The following STX7 variants were observed in gnomAD, a reference collection of about 807,000 sequenced individuals.
The protein encoded by STX7 is syntaxin 7.
In STX7, 34 loss-of-function variants were observed where a neutral mutation model predicts 39.6. That is an observed-to-expected ratio of 0.86 (90% CI 0.65 to 1.14). The LOEUF is 1.14. Ranked by LOEUF, STX7 falls within the 50% of genes most tolerant of loss-of-function variation. The pLI is 0.00. For missense variants in STX7, 284 were observed against 310.4 expected, an observed-to-expected ratio of 0.92 and a Z score of 0.64; for synonymous variants, 119 against 99.1, an observed-to-expected ratio of 1.20 and a Z score of -1.19.
intron 7 of STX7, 94 bp downstream of exon 7, chr6:132,469,855 TTC>T: frequency 9.8e-7 from 1 of 1,024,850 alleles, no homozygotes; most frequent in Non-Finnish European, 1.4e-6. Flanking sequence ...AACAAAATTT[TTC>T]TGTCTCATGC....
At chr6:132,495,461 T>C (rs1026638769) in intron 2 of STX7, among the ~76,000 whole-genome samples, 4 of 152,166 alleles carry the variant, frequency 2.6e-5, no homozygotes, top group South Asian at 2.1e-4. Context: ...AACAGCATTT[T>C]AGGAGGAGGG....
At chr6:132,489,625 A>G (rs142404323) in intron 2 of STX7, among the ~76,000 whole-genome samples, 50 of 152,304 alleles carry the variant, frequency 3.3e-4, no homozygotes, top group African/African-American at 1.2e-3. Context: ...AGGGAGATGG[A>G]GAAGGATCTT....
Position 132,509,487 on chromosome 6 carries a change from CA to C in STX7, c.-59+3519del, listed in dbSNP as rs1562343646. ...CATAACATAACATAACATAACATAA[CA>C]TAACATAACATAACATAACATAACA... On this transcript the variant is annotated intron_variant, in intron 1 of 9. Transcript: ENST00000367941. Among the ~76,000 whole-genome samples, 28 of 129,940 alleles carry C rather than the reference CA, an allele frequency of 2.2e-4. 3 individuals carry two copies. Among genetic ancestry groups the C allele is most frequent in the Middle Eastern group, 3.4e-3 (1 of 298 alleles). The allele number at this position is 129,940 out of a possible 152,430, so 85.2% of individuals were successfully genotyped here.
At chr6:132,471,677 T>C (rs1774727360) in intron 4 of STX7, 77 bp from the exon 5 acceptor site, 6 of 1,557,932 alleles carry the variant, frequency 3.9e-6, no homozygotes, top group South Asian at 1.2e-5. Flanking sequence ...TGGCTCTTTA[T>C]TTAACCCTGA....
In STX7 at chr6:132,488,820, T is replaced by C. The variant is rs561547716; in HGVS notation, c.86-13158A>G. ...AGGACTAGAAAAAAAATCTAAATAT[T>C]GAAAGAAACAAACTCTGTTTTAGAC... On this transcript the variant is annotated intron_variant, in intron 2 of 9. Coordinates refer to ENST00000367941, the MANE Select transcript of STX7 (RefSeq NM_003569.3). 2.0e-5 allele frequency among the ~76,000 whole-genome samples: 3 copies of C among 152,160 alleles called. No individual in the cohort carries two copies. The East Asian group carries it at 5.8e-4, about 29-fold the overall frequency.
intron 2 of STX7, among the ~76,000 whole-genome samples, chr6:132,493,683 G>A (rs150734014): frequency 6.6e-6 from 1 of 152,272 alleles, no homozygotes; most frequent in Non-Finnish European, 1.5e-5. Context: ...TTAGCAATGT[G>A]AGAATGGACT....
rs1774270342 is a variant in STX7 at position 132,457,495 on chromosome 6, A to C, written c.*3263T>G. 2 of 152,196 alleles carry C rather than the reference A, an allele frequency of 1.3e-5. No homozygotes were observed. The highest frequency in any genetic ancestry group is 4.8e-5 in the African/African-American group (2 of 41,460). The allele number at this position is 152,196 out of a possible 1,614,324, so 9.4% of individuals were successfully genotyped here. On this transcript the variant is annotated 3_prime_UTR_variant, in exon 10 of 10. Coordinates refer to ENST00000367941, the MANE Select transcript of STX7 (RefSeq NM_003569.3). Reference sequence around the variant, plus strand: ...TATAAATTATGTTAGGGTAGTTGTTAAACAGAATTTTGTCAAAGAAGCAGT... The same window carrying C: ...TATAAATTATGTTAGGGTAGTTGTTCAACAGAATTTTGTCAAAGAAGCAGT...
At chr6:132,485,791 C>CTTCTTTA (rs1775119349) in intron 2 of STX7, among the ~76,000 whole-genome samples, 1 of 152,126 alleles carries the variant, frequency 6.6e-6, no homozygotes, top group Non-Finnish European at 1.5e-5. Context: ...TATTTGTCAT[C>CTTCTTTA]TGTATATCTT....
chr6:132,490,965 G>GCAGCACAGCACAGCACAGCA (rs71545037), intron 2 of STX7, among the ~76,000 whole-genome samples: 4,424 of 127,508 alleles, frequency 0.035, 178 homozygotes, highest in Middle Eastern at 0.058. Flanking sequence ...GTCCCTCAGT[G>GCAGCACAGCACAGCACAGCA]CAGCACAGCA....
intron 1 of STX7, among the ~76,000 whole-genome samples, chr6:132,512,489 A>T (rs1775872937): frequency 6.6e-6 from 1 of 152,250 alleles, no homozygotes; most frequent in South Asian, 2.1e-4. Context: ...GCCAAATTAA[A>T]AAAACAATAC....
At chr6:132,471,340 A>G in intron 5 of STX7, 123 bp downstream of exon 5, 2 of 1,125,900 alleles carry the variant, frequency 1.8e-6, no homozygotes, top group Non-Finnish European at 2.4e-6. Context: ...ATAAATATTC[A>G]AGAGCTGATT....
rs200801252 is a variant in STX7 at position 132,475,125 on chromosome 6, A to AT, written c.155+467dup. Among the ~76,000 whole-genome samples, 745 of 144,386 alleles carry AT rather than the reference A, an allele frequency of 5.2e-3. 3 individuals carry two copies. Among genetic ancestry groups the AT allele is most frequent in the Non-Finnish European group, 6.6e-3 (432 of 65,410 alleles). The allele number at this position is 144,386 out of a possible 152,430, so 94.7% of individuals were successfully genotyped here. On this transcript the variant is annotated intron_variant, in intron 3 of 9. Transcript: ENST00000367941. ...TTTGATAGGGTAAGCCTATCAAGGA[A>AT]TTTTTTTTTTTTTTTTAAGACAGAG... is the stretch of plus-strand genomic sequence containing the variant.
At chr6:132,505,157 G>C (rs748103092) in intron 1 of STX7, among the ~76,000 whole-genome samples, 2 of 152,198 alleles carry the variant, frequency 1.3e-5, no homozygotes, top group Non-Finnish European at 2.9e-5. Context: ...AGCAAACAGC[G>C]GGCTTATTAT....
chr6:132,471,056 A>C (rs767892011), intron 5 of STX7, among the ~76,000 whole-genome samples: 1 of 152,168 alleles, frequency 6.6e-6, no homozygotes, highest in African/African-American at 2.4e-5. Flanking sequence ...GTTCATTTTC[A>C]ATATTGATAC....
intron 4 of STX7, among the ~76,000 whole-genome samples, chr6:132,472,002 G>A (rs552205866): frequency 3.3e-5 from 5 of 152,186 alleles, no homozygotes; most frequent in African/African-American, 7.2e-5. Context: ...AGTCAGCCCC[G>A]GAAGGCCAGG....
At chr6:132,484,010 AG>A (rs1775071020) in intron 2 of STX7, among the ~76,000 whole-genome samples, 1 of 152,056 alleles carries the variant, frequency 6.6e-6, no homozygotes, top group Non-Finnish European at 1.5e-5. Flanking sequence ...AACAAGCCGC[AG>A]TCTTTCCAAC....
chr6:132,491,476 C>T (rs940717822), intron 2 of STX7, among the ~76,000 whole-genome samples: 1 of 152,148 alleles, frequency 6.6e-6, no homozygotes, highest in Non-Finnish European at 1.5e-5. Flanking sequence ...TCATGATCAC[C>T]ACCCACTGCA....
In STX7 at chr6:132,447,157, G is replaced by C. The variant is rs1276681620; in HGVS notation, c.*13601C>G. On this transcript the variant is annotated 3_prime_UTR_variant, in exon 10 of 10. Coordinates refer to ENST00000367941, the MANE Select transcript of STX7 (RefSeq NM_003569.3). ...TTTGTGCGTGTAACATTTGACACCA[G>C]GCTTTTAAGTAAAACACCCTAAGAT... 6.6e-6 allele frequency: 1 copy of C among 152,172 alleles called. No individual in the cohort carries two copies. The highest frequency in any genetic ancestry group is 2.1e-4 in the South Asian group (1 of 4,832). The allele number at this position is 152,172 out of a possible 1,614,324, so 9.4% of individuals were successfully genotyped here. A position where few individuals can be genotyped will look rare whatever the true frequency, so the allele number is the denominator to read the frequency against.
chr6:132,484,947 CAG>C (rs1457486606), intron 2 of STX7, among the ~76,000 whole-genome samples: 2 of 152,184 alleles, frequency 1.3e-5, no homozygotes, highest in African/African-American at 4.8e-5. Flanking sequence ...AAGCGCTCAA[CAG>C]AGTCTGTTGT....
Sources: gnomAD v4.1 joint callset for allele counts (sites outside exome capture counted in the v4.1 genomes callset) on GRCh38, gnomAD v4.1.1 for gene constraint, MANE v1.5 for transcripts, NCBI Gene and HGNC (gene_info 2026-07-23, HGNC 2026-07-21) for gene names.